The following HIRA variants were observed in gnomAD, a reference collection of about 807,000 sequenced individuals.
HIRA encodes protein HIRA.
Under a neutral mutation model 126.6 loss-of-function variants are expected in HIRA, and 13 were observed. The ratio of observed to expected loss-of-function variants is 0.10; its 90% confidence interval spans 0.07 to 0.16. The LOEUF (loss-of-function observed/expected upper bound fraction) is 0.16, where lower values mean the gene tolerates loss of function less well. HIRA is among the 10% of genes least tolerant of loss of function. The pLI is 1.00. For missense variants in HIRA, 834 were observed against 1,314.4 expected (o/e 0.63, Z 5.65); for synonymous variants, 511 against 520.0 (o/e 0.98, Z 0.24).
In HIRA at chr22:19,375,907, A is replaced by G. The variant is rs1005483327; in HGVS notation, c.1614-115T>C. ...AGGCACAAATATCAAACTTCCATAA[A>G]CACAAAAAATGTCAAGATACAATCT... On this transcript the variant is annotated intron_variant, in intron 14 of 24. Transcript: ENST00000263208. The G allele has an allele frequency of 8.1e-6, 9 of 1,114,138 alleles. No homozygotes were observed. In the African/African-American group the frequency reaches 1.3e-4, roughly 16 times the overall value. 69.0% of individuals were successfully genotyped at this position (1,114,138 alleles called of 1,614,324 possible).
chr22:19,390,309 C>A (rs1324188859), intron 9 of HIRA, among the ~76,000 whole-genome samples: 3 of 151,956 alleles, frequency 2.0e-5, no homozygotes, highest in Non-Finnish European at 2.9e-5. Context: ...GAAGACACAT[C>A]GGGCTGGGTG....
At chr22:19,345,296 G>A (rs1204671815) in intron 24 of HIRA, among the ~76,000 whole-genome samples, 4 of 152,228 alleles carry the variant, frequency 2.6e-5, no homozygotes, top group Admixed American at 6.5e-5. Context: ...TGTGGTACTA[G>A]GAAGAAGCTG....
In HIRA at chr22:19,394,471, T is replaced by C. The variant is rs1455040774; in HGVS notation, c.693A>G (p.Ser231=). Reference sequence around the variant, plus strand: ...CAGACACCAGGTAATGCCCATCAGGTGACCAGCTGAGCCGCAACACATGGG... The same window carrying C: ...CAGACACCAGGTAATGCCCATCAGGCGACCAGCTGAGCCGCAACACATGGG... The part of the protein sequence containing the change: ...GTTHVLRLSW[S]PDGHYLVSAH... The change falls in exon 8 of 25, where the codon TCA becomes TCG. Residue 231 remains serine, a synonymous_variant. Transcript: ENST00000263208. 6.2e-7 allele frequency: 1 copy of C among 1,614,132 alleles called. No individual in the cohort carries two copies. Among genetic ancestry groups the C allele is most frequent in the Non-Finnish European group, 8.5e-7 (1 of 1,180,020 alleles).
At chr22:19,370,958 C>T (rs775912062) in intron 15 of HIRA, among the ~76,000 whole-genome samples, 9 of 152,198 alleles carry the variant, frequency 5.9e-5, no homozygotes, top group Non-Finnish European at 1.0e-4. Flanking sequence ...CCAGGATATA[C>T]AGTCAAGATT....
chr22:19,417,683 G>A (rs188778331), intron 1 of HIRA, among the ~76,000 whole-genome samples: 15 of 152,278 alleles, frequency 9.9e-5, no homozygotes, highest in African/African-American at 3.4e-4. Context: ...AAGTGTTGAT[G>A]AGGGTGTACA....
chr22:19,395,474 T>G (rs971378122), intron 7 of HIRA, among the ~76,000 whole-genome samples: 3 of 152,140 alleles, frequency 2.0e-5, no homozygotes, highest in African/African-American at 7.2e-5. Flanking sequence ...GTCAGAGCCC[T>G]GAGGAACTCC....
intron 6 of HIRA, 104 bp downstream of exon 6, chr22:19,397,888 T>C: frequency 2.8e-6 from 2 of 704,380 alleles, no homozygotes; most frequent in Non-Finnish European, 5.0e-6. Flanking sequence ...TAGGCCACTG[T>C]GACACATCTG....
chr22:19,401,665 C>T (rs1209383235), intron 5 of HIRA, among the ~76,000 whole-genome samples: 1 of 152,180 alleles, frequency 6.6e-6, no homozygotes, highest in Non-Finnish European at 1.5e-5. Context: ...GACCATAGTC[C>T]GGGAAGCCAT....
chr22:19,375,860 A>G (rs1203724978), intron 14 of HIRA, 68 bp from the exon 15 acceptor site: 5 of 1,532,142 alleles, frequency 3.3e-6, no homozygotes, highest in Non-Finnish European at 4.5e-6. Context: ...TAGTATTTGC[A>G]TTATTTGGAG....
chr22:19,367,368 ATTTTT>A (rs34765416), intron 15 of HIRA, among the ~76,000 whole-genome samples: 1 of 138,864 alleles, frequency 7.2e-6, no homozygotes. Flanking sequence ...CCAATGTACC[ATTTTT>A]TTTTTTTTTT....
chr22:19,405,441 G>C, intron 5 of HIRA: 1 of 975,002 alleles, frequency 1.0e-6, no homozygotes, highest in South Asian at 4.7e-5. Flanking sequence ...TGATTTCTGG[G>C]GAATAAACAA....
chr22:19,427,347 A>G (rs1455709904), intron 1 of HIRA, among the ~76,000 whole-genome samples: 1 of 152,200 alleles, frequency 6.6e-6, no homozygotes, highest in Non-Finnish European at 1.5e-5. Flanking sequence ...TTTCCCTGCC[A>G]ATTCTCAGAC....
intron 3 of HIRA, among the ~76,000 whole-genome samples, chr22:19,407,905 A>G (rs944564000): frequency 2.0e-5 from 3 of 152,332 alleles, no homozygotes; most frequent in African/African-American, 7.2e-5. Flanking sequence ...ATGGCTATCA[A>G]AGTTGTAGCC....
chr22:19,395,717 G>A (rs2089217914), intron 7 of HIRA, among the ~76,000 whole-genome samples: 1 of 152,152 alleles, frequency 6.6e-6, no homozygotes, highest in Non-Finnish European at 1.5e-5. Flanking sequence ...GGCTGTTTCT[G>A]CACTCTGGAC....
intron 5 of HIRA, among the ~76,000 whole-genome samples, chr22:19,400,922 C>A (rs2089263037): frequency 6.6e-6 from 1 of 152,114 alleles, no homozygotes; most frequent in South Asian, 2.1e-4. Context: ...GTGCTCCTAG[C>A]TCACCCTCAG....
chr22:19,387,978 G>T (rs945257343), intron 10 of HIRA, among the ~76,000 whole-genome samples, 162 bp from the exon 11 acceptor site: 4 of 151,462 alleles, frequency 2.6e-5, no homozygotes, highest in Non-Finnish European at 5.9e-5. Context: ...TGGGCGGGGG[G>T]GGGAGGGGGC....
intron 3 of HIRA, 32 bp downstream of exon 3, chr22:19,408,451 C>G: frequency 9.9e-6 from 14 of 1,410,480 alleles, no homozygotes; most frequent in Non-Finnish European, 1.4e-5. Context: ...TCTGCCAACA[C>G]GCAAAGCCTG....
intron 7 of HIRA, 68 bp downstream of exon 7, chr22:19,396,719 G>C (rs1217175507): frequency 7.8e-6 from 12 of 1,547,262 alleles, no homozygotes; most frequent in Non-Finnish European, 1.1e-5. Context: ...CTCCCTCTCT[G>C]TACACAGAAG....
intron 17 of HIRA, among the ~76,000 whole-genome samples, chr22:19,359,975 C>G (rs1331843955): frequency 6.6e-6 from 1 of 152,126 alleles, no homozygotes; most frequent in Non-Finnish European, 1.5e-5. Context: ...CTCTCCAGTT[C>G]CTGTGGTGGT....
Sources: gnomAD v4.1 joint callset for allele counts (sites outside exome capture counted in the v4.1 genomes callset) on GRCh38, gnomAD v4.1.1 for gene constraint, MANE v1.5 for transcripts, NCBI Gene and HGNC (gene_info 2026-07-23, HGNC 2026-07-21) for gene names.